Variants in ZZZ3 observed in about 807,000 individuals in gnomAD.
ZZZ3 encodes the protein zinc finger ZZ-type containing 3.
Under a neutral mutation model 95.2 loss-of-function variants are expected in ZZZ3, and 22 were observed. The ratio of observed to expected loss-of-function variants is 0.23; its 90% CI spans 0.17 to 0.33. The LOEUF is 0.33. ZZZ3 is among the 10% of genes least tolerant of loss of function. The pLI is 1.00. For synonymous variants in ZZZ3, 335 were observed against 358.9 expected (o/e 0.93, Z 0.75); for missense variants, 885 against 1,066.5 (o/e 0.83, Z 2.37).
Position 77,641,424 on chromosome 1 carries a change from G to A in ZZZ3, c.-246C>T, listed in dbSNP as rs1668767646. On this transcript the variant is annotated 5_prime_UTR_variant, in exon 3 of 15. Transcript: ENST00000370801. ...GCATTAAGATAGACAGGATCCTGCA[G>A]TGTTTCTTAAAAGCCTGATACACTG... 1 of 395,388 alleles carries A rather than the reference G, an allele frequency of 2.5e-6. No homozygotes were observed. The allele number at this position is 395,388 out of a possible 1,614,324, so 24.5% of individuals were successfully genotyped here.
At chr1:77,612,078 AG>A (rs1281236855) in intron 5 of ZZZ3, among the ~76,000 whole-genome samples, 2 of 152,088 alleles carry the variant, frequency 1.3e-5, no homozygotes, top group African/African-American at 2.4e-5. Flanking sequence ...ATATCTGATA[AG>A]GGATTAGTAT....
chr1:77,619,694 A>T (rs972261294), intron 5 of ZZZ3, among the ~76,000 whole-genome samples: 1 of 152,180 alleles, frequency 6.6e-6, no homozygotes, highest in African/African-American at 2.4e-5. Flanking sequence ...CCATGTAAAA[A>T]CATGATTTTA....
intron 3 of ZZZ3, among the ~76,000 whole-genome samples, chr1:77,640,730 T>A (rs1342225755): frequency 6.6e-6 from 1 of 152,146 alleles, no homozygotes; most frequent in Non-Finnish European, 1.5e-5. Flanking sequence ...CGCTTTATTA[T>A]AAGCATAAAA....
At chr1:77,606,138 CAGCAT>C (rs1252525969) in intron 5 of ZZZ3, among the ~76,000 whole-genome samples, 4 of 152,162 alleles carry the variant, frequency 2.6e-5, no homozygotes, top group Admixed American at 2.6e-4. Context: ...CCCAACCTGG[CAGCAT>C]TGACTACAAG....
intron 13 of ZZZ3, 86 bp from the exon 14 acceptor site, chr1:77,566,267 C>T: frequency 2.3e-6 from 2 of 862,332 alleles, no homozygotes; most frequent in African/African-American, 1.7e-5. Flanking sequence ...ATGATGTGCA[C>T]ACAGACATCT....
At chr1:77,610,889 T>A (rs570734638) in intron 5 of ZZZ3, among the ~76,000 whole-genome samples, 68 of 152,058 alleles carry the variant, frequency 4.5e-4, no homozygotes, top group African/African-American at 1.6e-3. Context: ...AAAAGTTGAA[T>A]GTTTTTCCTC....
chr1:77,665,647 G>A (rs929304327), intron 1 of ZZZ3, among the ~76,000 whole-genome samples: 3 of 152,110 alleles, frequency 2.0e-5, no homozygotes, highest in African/African-American at 7.2e-5. Flanking sequence ...GAATGTTTAA[G>A]AAAATTTGTG....
chr1:77,594,765 C>G (rs1441739009), intron 5 of ZZZ3, among the ~76,000 whole-genome samples: 2 of 151,558 alleles, frequency 1.3e-5, no homozygotes, highest in African/African-American at 4.8e-5. Context: ...ATAGCAAATA[C>G]TATAGATTAA....
At chr1:77,648,131 G>T (rs1669461493) in intron 1 of ZZZ3, among the ~76,000 whole-genome samples, 1 of 152,054 alleles carries the variant, frequency 6.6e-6, no homozygotes, top group African/African-American at 2.4e-5. Flanking sequence ...GGCCAAGGTG[G>T]GTGATTGCTT....
intron 1 of ZZZ3, among the ~76,000 whole-genome samples, chr1:77,643,520 T>G (rs1668971501): frequency 6.6e-6 from 1 of 152,220 alleles, no homozygotes; most frequent in Non-Finnish European, 1.5e-5. Context: ...CCTAAAGCCA[T>G]CTTATTTATT....
rs1662845680 is a variant in ZZZ3, at chr1:77,584,342, T to C, written c.1644+175A>G. ...ATTTTCATTTGGATATATTTTATTG[T>C]GTGCCTGGTGGAGGTGGAAGAAGTT... On this transcript the variant is annotated intron_variant, in intron 6 of 14. Transcript: ENST00000370801. 2.0e-5 allele frequency among the ~76,000 whole-genome samples: 3 copies of C among 152,350 alleles called. No individual in the cohort carries two copies. The South Asian group carries it at 6.2e-4, about 32-fold the overall frequency.
chr1:77,664,158 T>C (rs560737504), intron 1 of ZZZ3, among the ~76,000 whole-genome samples: 18 of 152,292 alleles, frequency 1.2e-4, no homozygotes, highest in Non-Finnish European at 2.2e-4. Context: ...ATCATCATTC[T>C]ATTTAAACAA....
At chr1:77,631,416 G>A (rs1667803945) in intron 5 of ZZZ3, among the ~76,000 whole-genome samples, 5 of 151,628 alleles carry the variant, frequency 3.3e-5, no homozygotes, top group Admixed American at 2.0e-4. Flanking sequence ...TTAAATGTAA[G>A]TAAGATAAAA....
At chr1:77,604,011 AT>A (rs1371953148) in intron 5 of ZZZ3, among the ~76,000 whole-genome samples, 1 of 152,128 alleles carries the variant, frequency 6.6e-6, no homozygotes, top group Non-Finnish European at 1.5e-5. Flanking sequence ...AAAAAAAAAA[AT>A]TTAAAAATTA....
At chr1:77,595,646 G>A (rs1165370081) in intron 5 of ZZZ3, among the ~76,000 whole-genome samples, 1 of 151,918 alleles carries the variant, frequency 6.6e-6, no homozygotes, top group African/African-American at 2.4e-5. Flanking sequence ...CCATTCTAAT[G>A]CAATACGGAG....
intron 5 of ZZZ3, among the ~76,000 whole-genome samples, chr1:77,602,602 ATTTTTT>A (rs33915566): frequency 2.5e-5 from 3 of 117,964 alleles, no homozygotes; most frequent in Admixed American, 9.8e-5. Flanking sequence ...ATTTTTACTG[ATTTTTT>A]TTTTTTTTTT....
At chr1:77,606,781 C>T (rs540903344) in intron 5 of ZZZ3, among the ~76,000 whole-genome samples, 1 of 152,356 alleles carries the variant, frequency 6.6e-6, no homozygotes, top group South Asian at 2.1e-4. Flanking sequence ...TTGGGATGCC[C>T]TCTAATACAG....
intron 12 of ZZZ3, among the ~76,000 whole-genome samples, chr1:77,572,082 G>A (rs553585991): frequency 1.3e-5 from 2 of 152,250 alleles, no homozygotes; most frequent in East Asian, 3.9e-4. Context: ...GTAAGTAAGT[G>A]TTCTATCTAT....
chr1:77,654,485 A>G (rs1570620375), intron 1 of ZZZ3, among the ~76,000 whole-genome samples: 1 of 152,154 alleles, frequency 6.6e-6, no homozygotes. Flanking sequence ...CAACTTTTTA[A>G]CAAACCAAAT....
Sources: allele counts gnomAD v4.1 joint callset (sites outside exome capture counted in the v4.1 genomes callset), GRCh38; gene constraint gnomAD v4.1.1; transcripts MANE v1.5; gene names NCBI Gene and HGNC (gene_info 2026-07-23, HGNC 2026-07-21).